The following IL6R variants were observed in gnomAD, a reference collection of about 807,000 sequenced individuals.
The protein encoded by IL6R is interleukin-6 receptor subunit alpha.
IL6R carries 38 observed loss-of-function variants against 48.3 expected under a neutral mutation model. The ratio of observed to expected loss-of-function variants is 0.79; its 90% CI spans 0.61 to 1.03. IL6R has a LOEUF of 1.03. Among genes scored for constraint, IL6R ranks in the 50% least tolerant of loss-of-function variants. IL6R has a pLI of 0.00. For synonymous variants in IL6R, 264 were observed against 256.2 expected (o/e 1.03, Z -0.29); for missense variants, 534 against 618.3 (o/e 0.86, Z 1.45).
rs746005168 is a variant in IL6R at position 154,436,099 on chromosome 1, C to T, written c.938C>T (p.Thr313Met). Residue 313 changes from threonine to methionine, a missense_variant, in exon 6 of 10, where the codon ACG becomes ATG. Thr to Met is a moderately conservative substitution (Grantham distance 81). Coordinates refer to ENST00000368485, the MANE Select transcript of IL6R (RefSeq NM_000565.4). Reference protein sequence around the residue: ...WSEWSPEAMGTPWTESRSPPA... With the variant: ...WSEWSPEAMGMPWTESRSPPA... ...GAGTGGAGCCCGGAGGCCATGGGCA[C>T]GCCTTGGACAGGTACTGCGGTGGGC... The T allele has an allele frequency of 5.6e-6, 9 of 1,609,740 alleles. No individual in the cohort carries two copies. The highest frequency in any genetic ancestry group is 2.2e-5 in the South Asian group (2 of 90,654).
At chr1:154,414,261 A>G (rs1273089052) in intron 1 of IL6R, 1 of 529,582 alleles carries the variant, frequency 1.9e-6, no homozygotes. Context: ...TTTTATTTTT[A>G]TTTATTTTTT....
Position 154,465,955 on chromosome 1 carries a change from T to C in IL6R, c.*575T>C, listed in dbSNP as rs892922848. ...GAAGCTCTCTCCTCCCTTTCTTCCC[T>C]ACAGTTGAAAAACAGCTGAGGGTGA... On this transcript the variant is annotated 3_prime_UTR_variant, in exon 10 of 10. Coordinates refer to ENST00000368485, the MANE Select transcript of IL6R (RefSeq NM_000565.4). The C allele has an allele frequency of 6.4e-6, 1 of 156,108 alleles. No individual in the cohort carries two copies. Among genetic ancestry groups the C allele is most frequent in the African/African-American group, 2.4e-5 (1 of 41,468 alleles). The allele number at this position is 156,108 out of a possible 1,614,324, so 9.7% of individuals were successfully genotyped here. A position where few individuals can be genotyped will look rare whatever the true frequency, so the allele number is the denominator to read the frequency against.
chr1:154,459,087 C>T (rs1360674750), intron 9 of IL6R, among the ~76,000 whole-genome samples: 1 of 152,110 alleles, frequency 6.6e-6, no homozygotes, highest in Non-Finnish European at 1.5e-5. Context: ...TGCCCATGGT[C>T]CCCACCTGCT....
chr1:154,448,876 T>TTC (rs1491385719), intron 7 of IL6R, among the ~76,000 whole-genome samples: 1,356 of 44,860 alleles, frequency 0.03, 233 homozygotes, highest in African/African-American at 0.073. Flanking sequence ...TTGTAAGGGC[T>TTC]TTTTTTTTTT....
Position 154,465,505 on chromosome 1 carries a change from G to C in IL6R, c.*125G>C. On this transcript the variant is annotated 3_prime_UTR_variant, in exon 10 of 10. Coordinates refer to ENST00000368485, the MANE Select transcript of IL6R (RefSeq NM_000565.4). The stretch of plus-strand genomic sequence containing the variant: ...GTGTGCGGCCTTTGGCTTCACGGAA[G>C]AGCCTTGCGGAAGGTTCTACGCCAG... 9.0e-7 allele frequency: 1 copy of C among 1,117,208 alleles called. No individual in the cohort carries two copies. Among genetic ancestry groups the C allele is most frequent in the Non-Finnish European group, 1.3e-6 (1 of 766,226 alleles). 69.2% of individuals were successfully genotyped at this position (1,117,208 alleles called of 1,614,324 possible).
At position 154,465,402 on chromosome 1, in the gene IL6R, C is replaced by G; in HGVS notation, c.*22C>G. ...ATAGCTGGCTGGGTGGCACCAGCAG[C>G]CTGGACCCTGTGGATGATAAAACAC... On this transcript the variant is annotated 3_prime_UTR_variant, in exon 10 of 10. Transcript: ENST00000368485. 1.2e-6 allele frequency: 2 copies of G among 1,613,212 alleles called. No homozygotes were observed. The highest frequency in any genetic ancestry group is 8.5e-7 in the Non-Finnish European group (1 of 1,179,272).
intron 1 of IL6R, among the ~76,000 whole-genome samples, chr1:154,415,364 C>G (rs1364419783): frequency 6.6e-6 from 1 of 152,210 alleles, no homozygotes; most frequent in Non-Finnish European, 1.5e-5. Flanking sequence ...TGTCACCTGA[C>G]ATCTCTTTAC....
chr1:154,429,836 A>AT (rs1689187768), intron 2 of IL6R, among the ~76,000 whole-genome samples: 2 of 152,066 alleles, frequency 1.3e-5, no homozygotes, highest in Non-Finnish European at 2.9e-5. Context: ...GTGTATGTGA[A>AT]TTTGCGTATG....
At chr1:154,458,217 G>A (rs904872174) in intron 9 of IL6R, among the ~76,000 whole-genome samples, 2 of 151,982 alleles carry the variant, frequency 1.3e-5, no homozygotes, top group East Asian at 1.9e-4. Context: ...TGATCCACCC[G>A]CCTTGGCCTC....
intron 1 of IL6R, among the ~76,000 whole-genome samples, chr1:154,415,700 C>G (rs762669906): frequency 1.3e-5 from 2 of 152,060 alleles, no homozygotes; most frequent in African/African-American, 4.8e-5. Context: ...ATGTATCAGC[C>G]GGGTGCAGTG....
chr1:154,418,883 A>AC (rs148188733), intron 1 of IL6R, among the ~76,000 whole-genome samples: 2,565 of 150,328 alleles, frequency 0.017, 62 homozygotes, highest in African/African-American at 0.059. Context: ...GATGGCGCTG[A>AC]CCCCCCCTTG....
intron 6 of IL6R, among the ~76,000 whole-genome samples, 192 bp downstream of exon 6, chr1:154,436,302 C>T (rs1689627717): frequency 6.6e-6 from 1 of 152,088 alleles, no homozygotes. Flanking sequence ...CATGGTGAAA[C>T]CCTGTCTCTA....
At chr1:154,416,523 G>A (rs916767775) in intron 1 of IL6R, among the ~76,000 whole-genome samples, 2 of 152,114 alleles carry the variant, frequency 1.3e-5, no homozygotes, top group African/African-American at 4.8e-5. Flanking sequence ...TAGGCCTGAT[G>A]GGGCTTATGA....
At chr1:154,454,144 G>T in intron 8 of IL6R, 1 of 330,224 alleles carries the variant, frequency 3.0e-6, no homozygotes, top group South Asian at 3.6e-5. Flanking sequence ...GGAGCAGGTG[G>T]AATGTCACCA....
rs567167168 is a variant in IL6R at position 154,442,381 on chromosome 1, A to G, written c.950-5744A>G. 2.2e-3 allele frequency among the ~76,000 whole-genome samples: 329 copies of G among 152,318 alleles called. 1 individual carries two copies. Among genetic ancestry groups the G allele is most frequent in the African/African-American group, 7.5e-3 (312 of 41,578 alleles). On this transcript the variant is annotated intron_variant, in intron 6 of 9. Transcript: ENST00000368485. Reference sequence around the variant, plus strand: ...AAAATGGGGATTGTAGGCAGAGTACAAAGGCACGGAGCTGTGAGCAAGGGG... The same window carrying G: ...AAAATGGGGATTGTAGGCAGAGTACGAAGGCACGGAGCTGTGAGCAAGGGG...
rs1322210976 is a variant in IL6R at position 154,405,780 on chromosome 1, C to T, written c.85+66C>T. 12 of 1,211,214 alleles carry T rather than the reference C, an allele frequency of 9.9e-6. No homozygotes were observed. The highest frequency in any genetic ancestry group is 1.3e-5 in the Non-Finnish European group (12 of 912,886). The allele number at this position is 1,211,214 out of a possible 1,614,324, so 75.0% of individuals were successfully genotyped here. On this transcript the variant is annotated intron_variant, in intron 1 of 9. Transcript: ENST00000368485. This position sits in a 1 kb window ranked among gnomAD's most constrained non-coding sequence, Gnocchi z 5.2. ...CGGCTGGGGGAAACCGCCTTGGTCA[C>T]CGCAGTCTGTGGGAGGCTGGAGGGA...
chr1:154,406,689 TC>T (rs1189545036), intron 1 of IL6R: 4 of 152,190 alleles, frequency 2.6e-5, no homozygotes, highest in Admixed American at 1.3e-4. Flanking sequence ...CACACTGAAT[TC>T]CAGTCCTAGG....
intron 1 of IL6R, among the ~76,000 whole-genome samples, chr1:154,416,299 T>TA (rs1330749585): frequency 2.0e-5 from 3 of 150,950 alleles, no homozygotes; most frequent in Non-Finnish European, 3.0e-5. Context: ...CTGGCTAATT[T>TA]AAAAAAAAAT....
chr1:154,414,849 G>A (rs377308506), intron 1 of IL6R: 4 of 758,122 alleles, frequency 5.3e-6, no homozygotes, highest in Non-Finnish European at 9.5e-6. Context: ...CCAAGAGCTG[G>A]TGCATGTAGG....
Sources: allele counts gnomAD v4.1 joint callset (sites outside exome capture counted in the v4.1 genomes callset), GRCh38; gene constraint gnomAD v4.1.1; non-coding constraint Gnocchi (gnomAD v3.1); transcripts MANE v1.5; gene names NCBI Gene and HGNC (gene_info 2026-07-23, HGNC 2026-07-21).